CCDC91: variants seen among roughly 807,000 people sequenced by gnomAD.
CCDC91 encodes the protein coiled-coil domain containing 91.
A neutral mutation model predicts 63.2 loss-of-function variants in CCDC91; 48 were observed. That is an observed-to-expected ratio of 0.76 (90% confidence interval 0.60 to 0.97). CCDC91 has a LOEUF of 0.97. CCDC91 is among the 50% of genes least tolerant of loss of function. CCDC91 has a pLI of 0.00. For missense variants in CCDC91, 500 were observed against 494.6 expected (o/e 1.01, Z -0.10); for synonymous variants, 167 against 165.8 (o/e 1.01, Z -0.06).
chr12:28,326,823 C>G (rs561195119), intron 6 of CCDC91, among the ~76,000 whole-genome samples: 5 of 152,090 alleles, frequency 3.3e-5, no homozygotes, highest in Non-Finnish European at 4.4e-5. Flanking sequence ...CAGGTCCCCC[C>G]CAAAATGGGT....
chr12:28,541,136 G>C (rs1385490014), intron 12 of CCDC91, among the ~76,000 whole-genome samples: 4 of 152,096 alleles, frequency 2.6e-5, no homozygotes, highest in African/African-American at 9.7e-5. Flanking sequence ...ACTAGGTTTT[G>C]GGATGCTTTG....
At chr12:28,364,183 C>A (rs1382574339) in intron 7 of CCDC91, among the ~76,000 whole-genome samples, 1 of 151,850 alleles carries the variant, frequency 6.6e-6, no homozygotes, top group African/African-American at 2.4e-5. Context: ...GTCGGGGGTT[C>A]CAGACCAGCC....
rs115883850 is a variant in CCDC91, at chr12:28,354,604, C to T, written c.577-7834C>T. Among the ~76,000 whole-genome samples the T allele has an allele frequency of 8.5e-3, 1,294 of 152,216 alleles. 27 individuals carry two copies. The highest frequency in any genetic ancestry group is 0.03 in the African/African-American group (1,234 of 41,528). On this transcript the variant is annotated intron_variant, in intron 6 of 12. Coordinates refer to ENST00000536442, the MANE Select transcript of CCDC91 (RefSeq NM_018318.5). The stretch of plus-strand genomic sequence containing the variant: ...ACTGTGGACAGGAAAACACACTACA[C>T]AGATAAATGACAAGAGCATTAAAAA...
At chr12:28,370,268 C>A (rs1431191415) in intron 7 of CCDC91, among the ~76,000 whole-genome samples, 2 of 152,188 alleles carry the variant, frequency 1.3e-5, no homozygotes, top group Non-Finnish European at 2.9e-5. Flanking sequence ...TTCTAGAATG[C>A]TTTGCTGCTT....
At chr12:28,404,397 T>C (rs780489748) in intron 8 of CCDC91, among the ~76,000 whole-genome samples, 26 of 152,026 alleles carry the variant, frequency 1.7e-4, no homozygotes, top group Admixed American at 7.2e-4. Context: ...ATTTCTTGAG[T>C]TTTGTTTTAT....
At chr12:28,333,370 G>C (rs1200847545) in intron 6 of CCDC91, among the ~76,000 whole-genome samples, 1 of 149,396 alleles carries the variant, frequency 6.7e-6, no homozygotes, top group East Asian at 2.0e-4. Context: ...ACTCCAGCCT[G>C]GGTGACAGAG....
chr12:28,492,465 T>C (rs1304359868), intron 12 of CCDC91, among the ~76,000 whole-genome samples: 1 of 151,770 alleles, frequency 6.6e-6, no homozygotes, highest in Non-Finnish European at 1.5e-5. Context: ...GTAGAAATTA[T>C]GGTTCTGAGA....
intron 1 of CCDC91, among the ~76,000 whole-genome samples, chr12:28,224,094 T>C (rs1243137658): frequency 6.6e-6 from 1 of 152,254 alleles, no homozygotes; most frequent in Non-Finnish European, 1.5e-5. Context: ...GTTGGTTGTT[T>C]TAAAAACTGT....
chr12:28,529,806 T>A (rs1211402008), intron 12 of CCDC91, among the ~76,000 whole-genome samples: 1 of 152,164 alleles, frequency 6.6e-6, no homozygotes. Flanking sequence ...ATTATTTGCT[T>A]AATCTTCCAT....
chr12:28,407,094 C>G (rs1592579503), intron 8 of CCDC91, among the ~76,000 whole-genome samples: 1 of 152,238 alleles, frequency 6.6e-6, no homozygotes, highest in East Asian at 1.9e-4. Flanking sequence ...CCACCTCCCA[C>G]CCCGTGTCTT....
chr12:28,229,780 A>T (rs1048661766), intron 1 of CCDC91, among the ~76,000 whole-genome samples: 1 of 141,556 alleles, frequency 7.1e-6, no homozygotes, highest in East Asian at 2.8e-4. Context: ...AATGATGGGG[A>T]CATATTTTGG....
intron 3 of CCDC91, among the ~76,000 whole-genome samples, chr12:28,302,250 A>G (rs1938155625): frequency 6.6e-6 from 1 of 152,034 alleles, no homozygotes; most frequent in African/African-American, 2.4e-5. Flanking sequence ...AAAAATTAGA[A>G]TTATATTGTG....
chr12:28,539,773 C>T (rs556647464), intron 12 of CCDC91, among the ~76,000 whole-genome samples: 32 of 152,124 alleles, frequency 2.1e-4, no homozygotes, highest in Admixed American at 5.9e-4. Flanking sequence ...ACAAGGAGGG[C>T]GTTTTCCTGC....
intron 1 of CCDC91, among the ~76,000 whole-genome samples, chr12:28,249,229 G>T (rs1437101420): frequency 6.6e-6 from 1 of 152,190 alleles, no homozygotes; most frequent in Non-Finnish European, 1.5e-5. Flanking sequence ...TCCAGTTGAA[G>T]AGGGGAAACA....
At chr12:28,288,917 G>A (rs2136727891) in intron 3 of CCDC91, among the ~76,000 whole-genome samples, 1 of 152,212 alleles carries the variant, frequency 6.6e-6, no homozygotes. Flanking sequence ...TTAGGAGGGT[G>A]TATGTGTCCA....
At chr12:28,427,050 C>T (rs565079168) in intron 8 of CCDC91, among the ~76,000 whole-genome samples, 1 of 152,104 alleles carries the variant, frequency 6.6e-6, no homozygotes, top group Non-Finnish European at 1.5e-5. Context: ...AAGAACTCCT[C>T]CTTATACAGA....
chr12:28,321,938 G>A (rs1441572986), intron 6 of CCDC91, among the ~76,000 whole-genome samples: 4 of 151,454 alleles, frequency 2.6e-5, no homozygotes, highest in Admixed American at 1.3e-4. Flanking sequence ...TATGTGTAGT[G>A]TATAGTGATA....
intron 8 of CCDC91, among the ~76,000 whole-genome samples, chr12:28,428,074 A>G (rs1414925922): frequency 6.6e-6 from 1 of 152,108 alleles, no homozygotes; most frequent in African/African-American, 2.4e-5. Context: ...TACAATTGTT[A>G]TTTATCAAGC....
chr12:28,526,183 GT>G (rs1308630977), intron 12 of CCDC91, among the ~76,000 whole-genome samples: 2 of 147,168 alleles, frequency 1.4e-5, no homozygotes, highest in African/African-American at 5.0e-5. Context: ...TTGTATTTTT[GT>G]TTTATAGGTC....
Sources: allele counts gnomAD v4.1 joint callset (sites outside exome capture counted in the v4.1 genomes callset), GRCh38; gene constraint gnomAD v4.1.1; transcripts MANE v1.5; gene names NCBI Gene and HGNC (gene_info 2026-07-23, HGNC 2026-07-21).